Variants in MPP4 observed in about 807,000 individuals in gnomAD.
MPP4 encodes MAGUK p55 scaffold protein 4.
In MPP4, 91 loss-of-function variants were observed where a neutral mutation model predicts 98.3. That is an observed-to-expected ratio of 0.93 (90% CI 0.78 to 1.10). MPP4 has a LOEUF of 1.10. Among genes scored for constraint, MPP4 ranks in the 50% least tolerant of loss-of-function variants. The pLI is 0.00. For synonymous variants in MPP4, 261 were observed against 271.8 expected (o/e 0.96, Z 0.39); for missense variants, 744 against 792.9 (o/e 0.94, Z 0.74).
At chr2:201,651,631 G>A (rs1687714011) in intron 18 of MPP4, 2 of 985,140 alleles carry the variant, frequency 2.0e-6, no homozygotes, top group Middle Eastern at 5.2e-4. Flanking sequence ...TATTCTGTGG[G>A]CATTTTATTT....
At chr2:201,672,080 G>A (rs1574619513) in intron 11 of MPP4, among the ~76,000 whole-genome samples, 1 of 152,088 alleles carries the variant, frequency 6.6e-6, no homozygotes, top group South Asian at 2.1e-4. Flanking sequence ...TTAGAACTCA[G>A]GATTAAGAAA....
intron 10 of MPP4, 154 bp downstream of exon 10, chr2:201,680,684 C>A (rs1045710147): frequency 4.7e-6 from 3 of 641,522 alleles, no homozygotes; most frequent in Admixed American, 2.9e-5. Flanking sequence ...TAGGGTTTAT[C>A]GATAAGTTGA....
At chr2:201,645,529 T>A in intron 21 of MPP4, 125 bp from the exon 22 acceptor site, 1 of 666,944 alleles carries the variant, frequency 1.5e-6, no homozygotes, top group African/African-American at 1.9e-5. Context: ...TCCGAAAATT[T>A]TGCACAGATG....
At chr2:201,684,218 CAAAAA>C (rs10578908) in intron 7 of MPP4, among the ~76,000 whole-genome samples, 4 of 137,068 alleles carry the variant, frequency 2.9e-5, no homozygotes, top group Admixed American at 7.2e-5. Flanking sequence ...GACCCTGTCT[CAAAAA>C]AAAAAAAAAA....
intron 6 of MPP4, among the ~76,000 whole-genome samples, chr2:201,685,360 G>A (rs62193402): frequency 0.75 from 108,231 of 144,882 alleles, 41,116 homozygotes; most frequent in Admixed American, 0.83. Flanking sequence ...GGACGGAGGG[G>A]CCACACAGTG....
chr2:201,665,814 T>C (rs1344574840), intron 13 of MPP4: 1 of 152,202 alleles, frequency 6.6e-6, no homozygotes, highest in Non-Finnish European at 1.5e-5. Flanking sequence ...TAAGCCAATC[T>C]TAGTTCTGCC....
intron 11 of MPP4, among the ~76,000 whole-genome samples, chr2:201,672,408 T>C (rs915357292): frequency 2.0e-5 from 3 of 151,900 alleles, no homozygotes; most frequent in Non-Finnish European, 2.9e-5. Context: ...AGAGCAGAAC[T>C]GAAGGAGACA....
chr2:201,681,628 G>A (rs889115834), intron 8 of MPP4, 61 bp from the exon 9 acceptor site: 45 of 1,291,902 alleles, frequency 3.5e-5, no homozygotes, highest in East Asian at 2.4e-4. Flanking sequence ...ACTGGGGCTC[G>A]GTGGACAGAG....
intron 1 of MPP4, among the ~76,000 whole-genome samples, chr2:201,696,004 T>C (rs1689168690): frequency 6.6e-6 from 1 of 152,214 alleles, no homozygotes; most frequent in Admixed American, 6.5e-5. Flanking sequence ...GTCTAGAATC[T>C]AGACTGATTG....
chr2:201,671,451 A>T (rs1239046999), intron 11 of MPP4, among the ~76,000 whole-genome samples: 1 of 152,174 alleles, frequency 6.6e-6, no homozygotes, highest in Admixed American at 6.5e-5. Context: ...AAAGACACAG[A>T]CTGCAAATTG....
At chr2:201,661,604 C>T in intron 14 of MPP4, 1 of 455,888 alleles carries the variant, frequency 2.2e-6, no homozygotes, top group Non-Finnish European at 4.4e-6. Context: ...CCCCAAGGAA[C>T]AAGATTTCAC....
chr2:201,697,694 T>C (rs912293556), intron 1 of MPP4, among the ~76,000 whole-genome samples: 1 of 152,190 alleles, frequency 6.6e-6, no homozygotes, highest in Admixed American at 6.5e-5. Flanking sequence ...CCTCCCTTCC[T>C]TTCCTCCCTG....
chr2:201,690,684 G>A (rs1559019252), intron 3 of MPP4, among the ~76,000 whole-genome samples: 1 of 152,312 alleles, frequency 6.6e-6, no homozygotes, highest in South Asian at 2.1e-4. Flanking sequence ...CCCTGTGTTG[G>A]GCGCCTGTGC....
intron 6 of MPP4, among the ~76,000 whole-genome samples, chr2:201,685,428 C>T (rs1688799925): frequency 6.6e-6 from 1 of 152,222 alleles, no homozygotes; most frequent in South Asian, 2.1e-4. Context: ...TCGGCTTTGG[C>T]TTCCTGGAGT....
intron 21 of MPP4, among the ~76,000 whole-genome samples, chr2:201,647,282 C>G (rs1466342985): frequency 6.6e-6 from 1 of 152,030 alleles, no homozygotes; most frequent in Admixed American, 6.6e-5. Flanking sequence ...AATACAAACA[C>G]CAGGCTCATA....
chr2:201,681,095 C>A, intron 9 of MPP4, 61 bp from the exon 10 acceptor site: 1 of 1,532,522 alleles, frequency 6.5e-7, no homozygotes, highest in Non-Finnish European at 8.9e-7. Flanking sequence ...CCGAAGAACC[C>A]TTGCCCATGG....
At chr2:201,693,050 A>G in intron 2 of MPP4, 21 bp from the exon 3 acceptor site, 2 of 1,604,276 alleles carry the variant, frequency 1.2e-6, no homozygotes, top group South Asian at 2.2e-5. Flanking sequence ...AAGAGAGCAG[A>G]GATGGGGTGG....
At chr2:201,650,528 A>G (rs753625858) in intron 18 of MPP4, 1 of 985,312 alleles carries the variant, frequency 1.0e-6, no homozygotes, top group African/African-American at 1.7e-5. Flanking sequence ...TTACATTTGG[A>G]TAGTGCATTT....
At chr2:201,666,518 C>T (rs899061537) in intron 12 of MPP4, 146 bp from the exon 13 acceptor site, 28 of 546,626 alleles carry the variant, frequency 5.1e-5, no homozygotes, top group South Asian at 1.9e-4. Flanking sequence ...ATCAAGAGTT[C>T]GAGACCAACT....
Sources: allele counts gnomAD v4.1 joint callset (sites outside exome capture counted in the v4.1 genomes callset), GRCh38; gene constraint gnomAD v4.1.1; transcripts MANE v1.5; gene names NCBI Gene and HGNC (gene_info 2026-07-23, HGNC 2026-07-21).